The following CDH13 variants were observed in gnomAD, a reference collection of about 807,000 sequenced individuals.
The protein encoded by CDH13 is cadherin-13.
Under a neutral mutation model 63.8 loss-of-function variants are expected in CDH13, and 24 were observed. The observed-to-expected ratio is 0.38, with a 90% confidence interval of 0.27 to 0.53. The LOEUF is 0.53. CDH13 is among the 20% of genes least tolerant of loss of function. The pLI, the probability that CDH13 is intolerant of heterozygous loss-of-function variation, is 0.85. For synonymous variants in CDH13, 503 were observed against 355.3 expected (o/e 1.42, Z -4.67); for missense variants, 1,049 against 903.1 (o/e 1.16, Z -2.07).
chr16:83,230,672 A>G (rs1373484426), intron 5 of CDH13, among the ~76,000 whole-genome samples: 1 of 152,196 alleles, frequency 6.6e-6, no homozygotes, highest in Non-Finnish European at 1.5e-5. Context: ...CTGTAGTCCC[A>G]GCTACTTGGG....
intron 5 of CDH13, among the ~76,000 whole-genome samples, chr16:83,218,690 A>T (rs1394122861): frequency 6.6e-6 from 1 of 152,100 alleles, no homozygotes; most frequent in Non-Finnish European, 1.5e-5. Context: ...GATACAATAA[A>T]TTTCATAATT....
At chr16:83,049,600 G>A (rs1222746296) in intron 3 of CDH13, among the ~76,000 whole-genome samples, 2 of 152,066 alleles carry the variant, frequency 1.3e-5, no homozygotes, top group Non-Finnish European at 2.9e-5. Context: ...CTCCCAGAGT[G>A]CTGGGATTAC....
At chr16:82,872,049 T>A (rs996543369) in intron 2 of CDH13, among the ~76,000 whole-genome samples, 1 of 152,138 alleles carries the variant, frequency 6.6e-6, no homozygotes, top group Non-Finnish European at 1.5e-5. Context: ...GAGATGAAAT[T>A]CCCTCAAGGA....
chr16:83,242,165 C>T (rs77052323), intron 5 of CDH13, among the ~76,000 whole-genome samples: 14,105 of 152,234 alleles, frequency 0.093, 969 homozygotes, highest in Non-Finnish European at 0.13. Flanking sequence ...TCTAGGTTCT[C>T]TATTCTGTTT....
At chr16:83,361,744 C>T (rs976364919) in intron 6 of CDH13, among the ~76,000 whole-genome samples, 5 of 152,000 alleles carry the variant, frequency 3.3e-5, no homozygotes, top group African/African-American at 1.2e-4. Flanking sequence ...TATAGGTGTG[C>T]AGCTTTACTT....
chr16:83,263,156 C>T (rs1567548180), intron 5 of CDH13, among the ~76,000 whole-genome samples: 1 of 152,182 alleles, frequency 6.6e-6, no homozygotes, highest in Non-Finnish European at 1.5e-5. Flanking sequence ...GAGTCGAGCT[C>T]ATCGCAAGAC....
chr16:82,674,684 A>C (rs1913691259), intron 1 of CDH13, among the ~76,000 whole-genome samples: 1 of 152,240 alleles, frequency 6.6e-6, no homozygotes, highest in Admixed American at 6.5e-5. Flanking sequence ...TGTGTCAGCC[A>C]TCTCCTGTGC....
intron 6 of CDH13, among the ~76,000 whole-genome samples, chr16:83,415,421 C>G (rs373642272): frequency 1.3e-5 from 2 of 152,236 alleles, no homozygotes; most frequent in South Asian, 4.2e-4. Flanking sequence ...TTTTATAAAG[C>G]TAGTATTACC....
At position 83,199,777 on chromosome 16, in the gene CDH13, G is replaced by A. The variant is rs558179206; in HGVS notation, c.484-17568G>A. Among the ~76,000 whole-genome samples, 6 of 152,266 alleles carry A rather than the reference G, an allele frequency of 3.9e-5. No homozygotes were observed. The East Asian group carries it at 9.7e-4, about 25-fold the overall frequency. On this transcript the variant is annotated intron_variant, in intron 4 of 13. Transcript: ENST00000567109. ...GGATGCAGTTCCATTCTGTCCTCCCGAGGACCTCAGGAATGCAGGTCTATT... is the reference window on the plus strand; with the variant it reads ...GGATGCAGTTCCATTCTGTCCTCCCAAGGACCTCAGGAATGCAGGTCTATT...
At chr16:83,264,323 T>C (rs901816763) in intron 5 of CDH13, among the ~76,000 whole-genome samples, 2 of 152,186 alleles carry the variant, frequency 1.3e-5, no homozygotes, top group African/African-American at 4.8e-5. Context: ...TCTCAAATCT[T>C]TGTTTATGAA....
chr16:82,756,598 G>T (rs780538488), intron 1 of CDH13, among the ~76,000 whole-genome samples: 4 of 152,170 alleles, frequency 2.6e-5, no homozygotes, highest in Non-Finnish European at 2.9e-5. Context: ...GGCTATGCTT[G>T]TTATGTGGTT....
chr16:83,586,730 G>A (rs761774253), intron 7 of CDH13, among the ~76,000 whole-genome samples: 29 of 152,130 alleles, frequency 1.9e-4, no homozygotes, highest in Non-Finnish European at 1.0e-4. Flanking sequence ...CTGAAGAAAG[G>A]TGGTCAGAGA....
intron 2 of CDH13, among the ~76,000 whole-genome samples, chr16:82,963,278 C>G (rs1907307414): frequency 6.6e-6 from 1 of 151,294 alleles, no homozygotes; most frequent in South Asian, 2.1e-4. Context: ...ACTAGGGAGG[C>G]TGAGGCAGAA....
intron 2 of CDH13, among the ~76,000 whole-genome samples, chr16:82,952,189 G>A (rs1189058165): frequency 6.6e-6 from 1 of 152,196 alleles, no homozygotes; most frequent in African/African-American, 2.4e-5. Flanking sequence ...TTGTTAACAG[G>A]AGAACGTGGG....
intron 1 of CDH13, among the ~76,000 whole-genome samples, chr16:82,758,408 G>T (rs1030953747): frequency 1.2e-4 from 17 of 138,512 alleles, no homozygotes; most frequent in Admixed American, 5.3e-4. Context: ...CACCACCTTG[G>T]CCCAGGAGAC....
At chr16:83,689,797 C>T (rs555181091) in intron 10 of CDH13, among the ~76,000 whole-genome samples, 25 of 152,280 alleles carry the variant, frequency 1.6e-4, no homozygotes, top group African/African-American at 5.1e-4. Flanking sequence ...GGGCTATGAC[C>T]GGAAAACCTC....
chr16:82,888,842 C>G (rs1208618663), intron 2 of CDH13, among the ~76,000 whole-genome samples: 1 of 152,178 alleles, frequency 6.6e-6, no homozygotes, highest in Non-Finnish European at 1.5e-5. Flanking sequence ...CAATTGTTTT[C>G]TATAGTCTGT....
intron 5 of CDH13, among the ~76,000 whole-genome samples, chr16:83,328,298 AG>A (rs1208276630): frequency 1.3e-5 from 2 of 152,212 alleles, no homozygotes; most frequent in Non-Finnish European, 2.9e-5. Context: ...TGAGATTAAA[AG>A]AGAAGCTTCA....
At chr16:83,559,094 T>TGAAGA (rs1177723231) in intron 7 of CDH13, among the ~76,000 whole-genome samples, 6 of 152,122 alleles carry the variant, frequency 3.9e-5, no homozygotes, top group African/African-American at 1.4e-4. Context: ...TGCTATCATG[T>TGAAGA]TAAGATCCAC....
Sources: allele counts gnomAD v4.1 joint callset (sites outside exome capture counted in the v4.1 genomes callset), GRCh38; gene constraint gnomAD v4.1.1; transcripts MANE v1.5; gene names NCBI Gene and HGNC (gene_info 2026-07-23, HGNC 2026-07-21).